Variants in RIF1 observed in about 807,000 individuals in gnomAD.
The protein encoded by RIF1 is telomere-associated protein RIF1.
A neutral mutation model predicts 247.1 loss-of-function variants in RIF1; 45 were observed. That is an observed-to-expected ratio of 0.18 (90% confidence interval 0.14 to 0.23). RIF1 has a LOEUF of 0.23. RIF1 is among the 10% of genes least tolerant of loss of function. The pLI is 1.00. For synonymous variants in RIF1, 1,087 were observed against 978.8 expected (o/e 1.11, Z -2.06); for missense variants, 2,967 against 2,862.5 (o/e 1.04, Z -0.83).
chr2:151,443,322 G>T lies in RIF1; in HGVS notation c.1798G>T (p.Asp600Tyr). The T allele has an allele frequency of 1.3e-6, 2 of 1,585,438 alleles. No homozygotes were observed. The highest frequency in any genetic ancestry group is 1.7e-6 in the Non-Finnish European group (2 of 1,155,752). ...CAATTTCTTGGAATGTGGTGTATCA[G>T]ATGAAAGGTAAGTTTGTACTTTAAC... ...FNNFLECGVS[D>Y]ERFFLSLESL... Residue 600 changes from aspartate to tyrosine, a missense_variant, in exon 17 of 36, where the codon GAT (aspartate) becomes TAT (tyrosine). This residue lies in a region of RIF1 where 369 missense variants were observed against 322.0 expected (regional missense o/e 1.15). Coordinates refer to ENST00000444746, the MANE Select transcript of RIF1 (RefSeq NM_018151.5).
chr2:151,440,179 A>G, intron 15 of RIF1, 52 bp downstream of exon 15: 1 of 966,426 alleles, frequency 1.0e-6, no homozygotes, highest in Non-Finnish European at 1.6e-6. Context: ...CTGAAGTTAA[A>G]TTTTATATAG....
At chr2:151,453,726 A>G (rs1198648867) in intron 21 of RIF1, among the ~76,000 whole-genome samples, 1 of 151,826 alleles carries the variant, frequency 6.6e-6, no homozygotes, top group Admixed American at 6.6e-5. Context: ...TCAATTCATT[A>G]TTTTCCCATT....
In RIF1 at chr2:151,414,892, A is replaced by G. The variant is rs761545903; in HGVS notation, c.253A>G (p.Asn85Asp). 3.7e-6 allele frequency: 6 copies of G among 1,611,484 alleles called. No homozygotes were observed. The South Asian group carries it at 6.6e-5, about 18-fold the overall frequency. The part of the protein sequence containing the change: ...ALQALGFCLY[N>D]PKITSELSEA... Reference sequence around the variant, plus strand: ...ACAAGCCCTGGGGTTTTGCTTATATAATCCCAAAATTACCTCAGAATTATC... The same window carrying G: ...ACAAGCCCTGGGGTTTTGCTTATATGATCCCAAAATTACCTCAGAATTATC... Residue 85 changes from asparagine (N) to aspartate (D), a missense_variant, in exon 4 of 36, where the codon AAT becomes GAT. This residue lies in a region of RIF1 where 269 missense variants were observed against 288.6 expected (regional missense o/e 0.93). Coordinates refer to ENST00000444746, the MANE Select transcript of RIF1 (RefSeq NM_018151.5).
the RIF1 span, chr2:151,524,212 C>G: frequency 4.0e-6 from 4 of 1,005,750 alleles, no homozygotes; most frequent in Non-Finnish European, 6.0e-6. Context: ...ATTACAGACC[C>G]AGCATCCCTT....
At chr2:151,503,033 G>T in intron 11 of RIF1, 1 of 604,692 alleles carries the variant, frequency 1.7e-6, no homozygotes. Context: ...TTTTTTCACA[G>T]TTTTAATGAT....
Position 151,416,915 on chromosome 2 carries a change from T to C in RIF1, c.503+14T>C, listed in dbSNP as rs1177777651. On this transcript the variant is annotated intron_variant, in intron 6 of 35. Transcript: ENST00000444746. ...TGTTATCGTAAGGTATGCATTTGGA[T>C]GTTGTGCAAATTGAAGAATAGTTTT... 6.4e-7 allele frequency: 1 copy of C among 1,572,914 alleles called. No individual in the cohort carries two copies. The highest frequency in any genetic ancestry group is 1.7e-4 in the Middle Eastern group (1 of 5,950).
intron 12 of RIF1, among the ~76,000 whole-genome samples, chr2:151,503,997 A>G (rs1034913028): frequency 1.3e-5 from 2 of 152,182 alleles, no homozygotes; most frequent in African/African-American, 4.8e-5. Context: ...TTTACTGCTA[A>G]TTGCTGGATC....
chr2:151,416,649 A>G lies in RIF1; in HGVS notation c.369A>G (p.Ile123Met). ...TACGTACTAGAGCACTTTGGGTGAT[A>G]TCTAAGCAGACATTTCCCTCTGAAG... ...KNVRTRALWV[I>M]SKQTFPSEVV... is the part of the protein sequence containing the mutation. The change falls in exon 5 of 36, where the codon ATA becomes ATG. Residue 123 changes from isoleucine to methionine, a missense_variant. By Grantham distance (10) the Ile-to-Met change is conservative. This residue lies in a region of RIF1 where 269 missense variants were observed against 288.6 expected (regional missense o/e 0.93). Coordinates refer to ENST00000444746, the MANE Select transcript of RIF1 (RefSeq NM_018151.5). 6.2e-7 allele frequency: 1 copy of G among 1,612,990 alleles called. No individual in the cohort carries two copies.
At chr2:151,515,828 C>G in the RIF1 span, among the ~76,000 whole-genome samples, 1 of 152,198 alleles carries the variant, frequency 6.6e-6, no homozygotes, top group Admixed American at 6.5e-5. Flanking sequence ...GAAAGCTCCA[C>G]AAACTGCTGC....
At chr2:151,430,047 G>A (rs918420294) in intron 9 of RIF1, among the ~76,000 whole-genome samples, 1 of 150,296 alleles carries the variant, frequency 6.7e-6, no homozygotes, top group Non-Finnish European at 1.5e-5. Context: ...TTGAGACGGA[G>A]TTTCGCTCTG....
rs924723356 is a variant in RIF1, at chr2:151,451,241, A to G, written c.2245-365A>G. Among the ~76,000 whole-genome samples, 9 of 152,210 alleles carry G rather than the reference A, an allele frequency of 5.9e-5. No homozygotes were observed. In the East Asian group the frequency reaches 1.7e-3, roughly 29 times the overall value. ...TGTCTTTTCGATGCTTAGATACACA[A>G]ATACATACCATTTTGTTACAGTTGC... On this transcript the variant is annotated intron_variant, in intron 20 of 35. Coordinates refer to ENST00000444746, the MANE Select transcript of RIF1 (RefSeq NM_018151.5).
At chr2:151,503,265 G>T in intron 12 of RIF1, 1 of 995,612 alleles carries the variant, frequency 1.0e-6, no homozygotes, top group Non-Finnish European at 1.6e-6. Flanking sequence ...TTGCTGTTAA[G>T]ATGTTACTTT....
chr2:151,487,760 T>TA (rs1553514345), intron 9 of RIF1, among the ~76,000 whole-genome samples: 1 of 151,634 alleles, frequency 6.6e-6, no homozygotes, highest in East Asian at 2.0e-4. Flanking sequence ...ATTTTATACA[T>TA]ACACACATAT....
chr2:151,469,820 G>C lies in RIF1; in HGVS notation c.7051G>C (p.Val2351Leu). The C allele has an allele frequency of 6.2e-7, 1 of 1,611,194 alleles. No individual in the cohort carries two copies. The highest frequency in any genetic ancestry group is 8.5e-7 in the Non-Finnish European group (1 of 1,178,470). ...IKTLPIRSPK[V>L]SNVKKALRIY... ...AACTCTTCCTATCCGTTCTCCAAAA[G>C]TGTCCAATGTAAAAAAGGCTCTCAG... Residue 2351 changes from valine (V) to leucine (L), a missense_variant, in exon 34 of 36, where the codon GTG becomes CTG. Physicochemically the swap from Val to Leu is conservative, Grantham distance 32 (BLOSUM62 1). This residue lies in a region of RIF1 where 151 missense variants were observed against 163.4 expected (regional missense o/e 0.92). Transcript: ENST00000444746.
chr2:151,510,257 C>T (rs2073085772), downstream of RIF1, among the ~76,000 whole-genome samples: 1 of 152,262 alleles, frequency 6.6e-6, no homozygotes, highest in African/African-American at 2.4e-5. Flanking sequence ...TTTAGACCCA[C>T]AGTAAAACTT....
chr2:151,526,315 AT>A, the RIF1 span: 1 of 1,214,774 alleles, frequency 8.2e-7, no homozygotes, highest in Non-Finnish European at 1.2e-6. Flanking sequence ...TATCCTACAT[AT>A]TTTTATTACA....
intron 10 of RIF1, among the ~76,000 whole-genome samples, chr2:151,496,612 AT>A (rs935587153): frequency 6.6e-6 from 1 of 151,700 alleles, no homozygotes; most frequent in African/African-American, 2.4e-5. Flanking sequence ...TATCCATGTT[AT>A]TTTTTTTCAT....
At chr2:151,482,497 T>C (rs757343689), downstream of RIF1, among the ~76,000 whole-genome samples, 1 of 152,098 alleles carries the variant, frequency 6.6e-6, no homozygotes, top group Non-Finnish European at 1.5e-5. Flanking sequence ...GCTGAGTAGA[T>C]GCAGGCAAGC....
the RIF1 span, among the ~76,000 whole-genome samples, chr2:151,515,863 AT>A: frequency 6.6e-6 from 1 of 152,170 alleles, no homozygotes; most frequent in Non-Finnish European, 1.5e-5. Context: ...ATTTTTCTTT[AT>A]AGTTGGAGGA....
Sources: allele counts gnomAD v4.1 joint callset (sites outside exome capture counted in the v4.1 genomes callset), GRCh38; gene constraint gnomAD v4.1.1; regional missense constraint gnomAD v4.1.1; transcripts MANE v1.5; gene names NCBI Gene and HGNC (gene_info 2026-07-23, HGNC 2026-07-21).